The following CNGB3 variants were observed in gnomAD, a reference collection of about 807,000 sequenced individuals.
The protein encoded by CNGB3 is cyclic nucleotide-gated channel beta-3.
A neutral mutation model predicts 92.8 loss-of-function variants in CNGB3; 86 were observed. That is an observed-to-expected ratio of 0.93 (90% CI 0.78 to 1.11). The LOEUF is 1.11. Ranked by LOEUF, CNGB3 falls within the 50% of genes least tolerant of loss-of-function variation. The pLI, the probability that CNGB3 is intolerant of heterozygous loss-of-function variation, is 0.00. For synonymous variants in CNGB3, 333 were observed against 332.7 expected, an observed-to-expected ratio of 1.00 and a Z score of -0.01; for missense variants, 1,026 against 956.8, an observed-to-expected ratio of 1.07 and a Z score of -0.95.
intron 7 of CNGB3, among the ~76,000 whole-genome samples, chr8:86,648,108 A>T (rs1248091656): frequency 1.3e-5 from 2 of 151,072 alleles, no homozygotes; most frequent in Non-Finnish European, 3.0e-5. Flanking sequence ...TTCCACCTCC[A>T]TGCATCTGAT....
intron 7 of CNGB3, among the ~76,000 whole-genome samples, chr8:86,652,626 G>A (rs1823429018): frequency 6.6e-6 from 1 of 151,814 alleles, no homozygotes; most frequent in East Asian, 1.9e-4. Flanking sequence ...CAAGACACAA[G>A]CACACAAATT....
chr8:86,670,043 T>C (rs1318272390), intron 4 of CNGB3, among the ~76,000 whole-genome samples: 1 of 152,010 alleles, frequency 6.6e-6, no homozygotes, highest in Non-Finnish European at 1.5e-5. Flanking sequence ...AGAGACAGGG[T>C]TTCACCATGT....
chr8:86,671,801 A>G (rs1404355704), intron 3 of CNGB3, among the ~76,000 whole-genome samples: 1 of 152,134 alleles, frequency 6.6e-6, no homozygotes, highest in Non-Finnish European at 1.5e-5. Context: ...AATAACCTGA[A>G]TGAACTTGGA....
At chr8:86,609,278 T>G (rs185583887) in intron 14 of CNGB3, among the ~76,000 whole-genome samples, 33 of 152,316 alleles carry the variant, frequency 2.2e-4, no homozygotes, top group Non-Finnish European at 3.5e-4. Flanking sequence ...CATGTTGTGG[T>G]GCATTAAAGT....
intron 2 of CNGB3, among the ~76,000 whole-genome samples, chr8:86,727,586 T>A (rs1355602882): frequency 6.6e-6 from 1 of 152,138 alleles, no homozygotes; most frequent in Non-Finnish European, 1.5e-5. Flanking sequence ...AAATTGTAAT[T>A]TACCCAGAGA....
At chr8:86,698,752 C>A (rs909065436) in intron 3 of CNGB3, among the ~76,000 whole-genome samples, 2 of 151,948 alleles carry the variant, frequency 1.3e-5, no homozygotes, top group Admixed American at 1.3e-4. Context: ...GGATTTTCAA[C>A]GTGAGAGAGG....
chr8:86,702,721 T>G (rs1201431303), intron 3 of CNGB3, among the ~76,000 whole-genome samples: 2 of 152,186 alleles, frequency 1.3e-5, no homozygotes, highest in Non-Finnish European at 2.9e-5. Flanking sequence ...AGATGAATGC[T>G]TGCACATTTA....
intron 11 of CNGB3, among the ~76,000 whole-genome samples, chr8:86,631,761 A>AC (rs1822966137): frequency 6.6e-6 from 1 of 151,840 alleles, no homozygotes; most frequent in Non-Finnish European, 1.5e-5. Context: ...TTACTTTACT[A>AC]CCCCTCTCTG....
At chr8:86,735,845 T>C (rs967091980) in intron 2 of CNGB3, among the ~76,000 whole-genome samples, 6 of 152,204 alleles carry the variant, frequency 3.9e-5, no homozygotes, top group Non-Finnish European at 7.3e-5. Flanking sequence ...TGGATAGCCA[T>C]TAATTGGCTT....
chr8:86,728,248 A>C (rs762073332), intron 2 of CNGB3, among the ~76,000 whole-genome samples: 1 of 152,126 alleles, frequency 6.6e-6, no homozygotes, highest in Non-Finnish European at 1.5e-5. Flanking sequence ...CCTGCGTATA[A>C]AGATTATGTT....
At chr8:86,595,435 A>G (rs986978830) in intron 15 of CNGB3, among the ~76,000 whole-genome samples, 10 of 152,226 alleles carry the variant, frequency 6.6e-5, no homozygotes, top group African/African-American at 2.4e-4. Flanking sequence ...CACTGATTGT[A>G]TATTTGTTCA....
intron 6 of CNGB3, chr8:86,658,821 T>A (rs1279364860): frequency 5.0e-6 from 3 of 597,604 alleles, no homozygotes; most frequent in Admixed American, 4.9e-5. Flanking sequence ...GAAGACTGCA[T>A]GACTGATGGT....
At chr8:86,629,749 T>C (rs149191748) in intron 11 of CNGB3, among the ~76,000 whole-genome samples, 24 of 152,314 alleles carry the variant, frequency 1.6e-4, no homozygotes, top group African/African-American at 5.8e-4. Flanking sequence ...TGACAATTCT[T>C]AAGAAACTGT....
intron 7 of CNGB3, among the ~76,000 whole-genome samples, chr8:86,648,485 T>G (rs1035126339): frequency 6.6e-6 from 1 of 151,194 alleles, no homozygotes; most frequent in African/African-American, 2.4e-5. Flanking sequence ...TTGCAATTAA[T>G]CAGCAGCTCT....
At position 86,729,539 on chromosome 8, in the gene CNGB3, C is replaced by T. The variant is rs191804575; in HGVS notation, c.212-2882G>A. ...CAGCCTAATTTGATTTGTGGATAAA[C>T]ATTTAATTACAAAATAAATCCTCAT... On this transcript the variant is annotated intron_variant, in intron 2 of 17. Transcript: ENST00000320005. 2.3e-3 allele frequency among the ~76,000 whole-genome samples: 353 copies of T among 152,244 alleles called. 3 individuals are homozygous for T. The highest frequency in any genetic ancestry group is 7.9e-3 in the African/African-American group (329 of 41,540).
chr8:86,577,917 GT>G, intron 17 of CNGB3, among the ~76,000 whole-genome samples: 1 of 152,048 alleles, frequency 6.6e-6, no homozygotes, highest in Non-Finnish European at 1.5e-5. Context: ...TTGTTTGTTT[GT>G]TTGTTTTTTG....
chr8:86,648,058 C>A (rs1207400851), intron 7 of CNGB3, among the ~76,000 whole-genome samples, 171 bp from the exon 8 acceptor site: 1 of 151,078 alleles, frequency 6.6e-6, no homozygotes, highest in East Asian at 1.9e-4. Context: ...GTATTAGCAC[C>A]ATGAAAACTA....
chr8:86,609,694 G>A lies in CNGB3; in HGVS notation c.1662+1894C>T, dbSNP rs1010626306. ...TGTGTACTTGGCATCTCCACCTGAT[G>A]CCTTGAAGTACCTCATACTCCATTT... On this transcript the variant is annotated intron_variant, in intron 14 of 17. Transcript: ENST00000320005. 5.2e-4 allele frequency among the ~76,000 whole-genome samples: 79 copies of A among 152,132 alleles called. 1 individual carries two copies. Among genetic ancestry groups the A allele is most frequent in the African/African-American group, 1.9e-3 (79 of 41,434 alleles).
intron 9 of CNGB3, 108 bp from the exon 10 acceptor site, chr8:86,643,981 T>G: frequency 8.6e-7 from 1 of 1,164,092 alleles, no homozygotes; most frequent in Non-Finnish European, 1.2e-6. Context: ...TGCTTTGGAT[T>G]TGTGAACTGT....
Sources: allele counts gnomAD v4.1 joint callset (sites outside exome capture counted in the v4.1 genomes callset), GRCh38; gene constraint gnomAD v4.1.1; transcripts MANE v1.5; gene names NCBI Gene and HGNC (gene_info 2026-07-23, HGNC 2026-07-21).